Variants in TXNDC16 observed in about 807,000 individuals in gnomAD.
TXNDC16 encodes the protein thioredoxin domain-containing protein 16.
In TXNDC16, 74 loss-of-function variants were observed where a neutral mutation model predicts 85.6. The ratio of observed to expected loss-of-function variants is 0.86; its 90% CI spans 0.72 to 1.05. TXNDC16 has a LOEUF of 1.05. Among genes scored for constraint, TXNDC16 ranks in the 50% least tolerant of loss-of-function variants. The pLI is 0.00. For missense variants in TXNDC16, 959 were observed against 947.0 expected, an observed-to-expected ratio of 1.01 and a Z score of -0.17; for synonymous variants, 335 against 326.5, an observed-to-expected ratio of 1.03 and a Z score of -0.28.
intron 14 of TXNDC16, among the ~76,000 whole-genome samples, chr14:52,477,611 C>T (rs1467133242): frequency 1.3e-5 from 2 of 152,108 alleles, no homozygotes; most frequent in African/African-American, 4.8e-5. Flanking sequence ...AAGGCCTTGT[C>T]CAACAGGAAA....
intron 12 of TXNDC16, among the ~76,000 whole-genome samples, chr14:52,484,452 T>C (rs1307345053): frequency 6.6e-6 from 1 of 152,220 alleles, no homozygotes; most frequent in Non-Finnish European, 1.5e-5. Flanking sequence ...TATACAACTG[T>C]AGTCCCTTAA....
chr14:52,437,103 AAT>A (rs1336575182), intron 20 of TXNDC16, among the ~76,000 whole-genome samples: 1 of 152,050 alleles, frequency 6.6e-6, no homozygotes, highest in African/African-American at 2.4e-5. Context: ...AATATAAATT[AAT>A]ATATATATCC....
chr14:52,539,181 T>TA (rs1339184456), intron 4 of TXNDC16, among the ~76,000 whole-genome samples: 4 of 151,664 alleles, frequency 2.6e-5, no homozygotes, highest in African/African-American at 2.4e-5. Flanking sequence ...GTCCTATAAA[T>TA]AAAAAAATTG....
intron 9 of TXNDC16, among the ~76,000 whole-genome samples, chr14:52,502,261 A>G (rs967898516): frequency 2.6e-5 from 4 of 152,244 alleles, no homozygotes; most frequent in African/African-American, 7.2e-5. Flanking sequence ...CTAGGAAAAA[A>G]AAGTTCAAAC....
intron 18 of TXNDC16, among the ~76,000 whole-genome samples, chr14:52,452,086 T>A (rs140478874): frequency 6.6e-6 from 1 of 152,100 alleles, no homozygotes; most frequent in Admixed American, 6.6e-5. Context: ...CTATTTACAA[T>A]AGCCACAAGT....
rs1245329449 is a variant in TXNDC16 at position 52,530,474 on chromosome 14, AT to A, written c.392+6244del. 5.2e-4 allele frequency among the ~76,000 whole-genome samples: 7 copies of A among 13,544 alleles called. 3 individuals carry two copies. The highest frequency in any genetic ancestry group is 5.8e-4 in the Non-Finnish European group (5 of 8,664). The allele number at this position is 13,544 out of a possible 152,430, so 8.9% of individuals were successfully genotyped here. A position where few individuals can be genotyped will look rare whatever the true frequency, so the allele number is the denominator to read the frequency against. ...TATATAATAATATATATTATATATT[AT>A]TATATATAATATTATATATAATAAT... On this transcript the variant is annotated intron_variant, in intron 6 of 20. Transcript: ENST00000281741.
chr14:52,491,202 A>G (rs565240363), intron 9 of TXNDC16, among the ~76,000 whole-genome samples, 197 bp from the exon 10 acceptor site: 1 of 152,176 alleles, frequency 6.6e-6, no homozygotes, highest in East Asian at 1.9e-4. Context: ...TTGTTTTTTG[A>G]GACAGAATCT....
chr14:52,454,649 CAAA>C (rs34727206), intron 18 of TXNDC16, among the ~76,000 whole-genome samples: 1 of 60,422 alleles, frequency 1.7e-5, no homozygotes, highest in African/African-American at 6.4e-5. Context: ...ACTAAAAATA[CAAA>C]AAAAAAAAAA....
At chr14:52,552,135 A>G (rs2038067650) in intron 1 of TXNDC16, among the ~76,000 whole-genome samples, 181 bp downstream of exon 1, 1 of 152,172 alleles carries the variant, frequency 6.6e-6, no homozygotes, top group Non-Finnish European at 1.5e-5. Context: ...ATGCAGCGAA[A>G]AGAGAAAGCA....
At position 52,530,564 on chromosome 14, in the gene TXNDC16, T is replaced by TATTATTATAA. The variant is rs2037540665; in HGVS notation, c.392+6154_392+6155insTTATAATAAT. Among the ~76,000 whole-genome samples, 21 of 24,302 alleles carry TATTATTATAA rather than the reference T, an allele frequency of 8.6e-4. 6 individuals carry two copies. Among genetic ancestry groups the TATTATTATAA allele is most frequent in the African/African-American group, 7.6e-3 (21 of 2,768 alleles). 15.9% of individuals were successfully genotyped at this position (24,302 alleles called of 152,430 possible). A position where few individuals can be genotyped will look rare whatever the true frequency, so the allele number is the denominator to read the frequency against. ...TAATATATAATTATATAATATTATA[T>TATTATTATAA]ATAATAATATATAATTATTATATAT... On this transcript the variant is annotated intron_variant, in intron 6 of 20. Coordinates refer to ENST00000281741, the MANE Select transcript of TXNDC16 (RefSeq NM_020784.3).
chr14:52,481,817 A>G (rs1301667111), intron 14 of TXNDC16, among the ~76,000 whole-genome samples: 4 of 152,164 alleles, frequency 2.6e-5, no homozygotes, highest in Non-Finnish European at 4.4e-5. Flanking sequence ...AGTAAACTAT[A>G]TAGTTTCAAG....
chr14:52,538,757 T>C (rs903878093), intron 4 of TXNDC16, among the ~76,000 whole-genome samples: 1 of 152,152 alleles, frequency 6.6e-6, no homozygotes, highest in Non-Finnish European at 1.5e-5. Flanking sequence ...TTGGTAAGGC[T>C]TTTGTTTCTC....
intron 6 of TXNDC16, among the ~76,000 whole-genome samples, chr14:52,530,404 AT>A (rs1418611813): frequency 1.8e-4 from 3 of 17,120 alleles, no homozygotes; most frequent in Non-Finnish European, 2.5e-4. Flanking sequence ...AATATAATAT[AT>A]AATTATTATA....
chr14:52,450,687 T>C (rs1052944277), intron 18 of TXNDC16, among the ~76,000 whole-genome samples: 80 of 152,100 alleles, frequency 5.3e-4, no homozygotes, highest in African/African-American at 1.8e-3. Flanking sequence ...ACAACCACTA[T>C]GGAAAACAGT....
intron 16 of TXNDC16, among the ~76,000 whole-genome samples, chr14:52,461,118 C>T (rs1328419269): frequency 6.6e-6 from 1 of 151,084 alleles, no homozygotes; most frequent in Non-Finnish European, 1.5e-5. Context: ...ATTTTTATGC[C>T]TTTATAACTT....
chr14:52,527,157 G>T (rs780469251), intron 6 of TXNDC16, among the ~76,000 whole-genome samples: 7 of 152,184 alleles, frequency 4.6e-5, no homozygotes, highest in Non-Finnish European at 1.0e-4. Context: ...CCAACGAGGG[G>T]CTTGTTGGAG....
At chr14:52,496,119 C>T (rs534506474) in intron 9 of TXNDC16, among the ~76,000 whole-genome samples, 15 of 151,396 alleles carry the variant, frequency 9.9e-5, no homozygotes, top group East Asian at 9.7e-4. Context: ...GAGATCGCTC[C>T]GCTGCACTCC....
intron 7 of TXNDC16, among the ~76,000 whole-genome samples, chr14:52,517,654 C>T (rs1422181046): frequency 2.6e-5 from 4 of 152,232 alleles, no homozygotes; most frequent in South Asian, 2.1e-4. Context: ...TGCCCTTGTT[C>T]GCTACATTCC....
chr14:52,480,848 G>C (rs1314886757), intron 14 of TXNDC16, among the ~76,000 whole-genome samples: 1 of 151,524 alleles, frequency 6.6e-6, no homozygotes, highest in Non-Finnish European at 1.5e-5. Context: ...ATATGAAAAA[G>C]ATACTTGCAC....
Sources: allele counts gnomAD v4.1 joint callset (sites outside exome capture counted in the v4.1 genomes callset), GRCh38; gene constraint gnomAD v4.1.1; transcripts MANE v1.5; gene names NCBI Gene and HGNC (gene_info 2026-07-23, HGNC 2026-07-21).